The following SLC24A2 variants were observed in gnomAD, a reference collection of about 807,000 sequenced individuals.
SLC24A2 encodes solute carrier family 24 member 2, also known as sodium/potassium/calcium exchanger 2.
In SLC24A2, 36 loss-of-function variants were observed where a neutral mutation model predicts 62.0. The ratio of observed to expected loss-of-function variants is 0.58; its 90% CI spans 0.44 to 0.77. The LOEUF (loss-of-function observed/expected upper bound fraction) is 0.77, where lower values mean the gene tolerates loss of function less well. Ranked by LOEUF, SLC24A2 falls within the 30% of genes least tolerant of loss-of-function variation. SLC24A2 has a pLI of 0.00. For missense variants in SLC24A2, 846 were observed against 817.9 expected (o/e 1.03, Z -0.42); for synonymous variants, 358 against 294.0 (o/e 1.22, Z -2.23).
At chr9:19,627,388 T>C (rs1818060684) in intron 2 of SLC24A2, among the ~76,000 whole-genome samples, 1 of 152,190 alleles carries the variant, frequency 6.6e-6, no homozygotes, top group Admixed American at 6.5e-5. Context: ...AGAAGAGAAA[T>C]TGTTTAGAGA....
intron 2 of SLC24A2, among the ~76,000 whole-genome samples, chr9:19,770,394 T>C (rs191972765): frequency 6.6e-6 from 1 of 151,768 alleles, no homozygotes; most frequent in East Asian, 1.9e-4. Flanking sequence ...TAATACTATA[T>C]GCATTTTTTT....
At chr9:19,701,412 C>T (rs6475361) in intron 2 of SLC24A2, among the ~76,000 whole-genome samples, 53,266 of 151,756 alleles carry the variant, frequency 0.35, 10,400 homozygotes, top group African/African-American at 0.54. Flanking sequence ...ACTTAGTCCA[C>T]AACCGGTAGG....
chr9:19,662,029 C>T (rs551393341), intron 2 of SLC24A2, among the ~76,000 whole-genome samples: 1 of 152,196 alleles, frequency 6.6e-6, no homozygotes, highest in South Asian at 2.1e-4. Flanking sequence ...AGTGTTCAAG[C>T]TCCATGTCCT....
At chr9:20,037,858 C>A in the SLC24A2 span, among the ~76,000 whole-genome samples, 2 of 152,122 alleles carry the variant, frequency 1.3e-5, no homozygotes, top group African/African-American at 4.8e-5. Flanking sequence ...CAAGGAAGAG[C>A]CCAGCTCTTC....
chr9:20,228,228 A>G, the SLC24A2 span, among the ~76,000 whole-genome samples: 6 of 152,144 alleles, frequency 3.9e-5, no homozygotes, highest in African/African-American at 7.2e-5. Flanking sequence ...ATTTCCTCTT[A>G]GTAGAAGAGA....
In SLC24A2 at chr9:19,599,834, T is replaced by C. The variant is rs1563990369; in HGVS notation, c.1079-2555A>G. ...ATTGACAGCCTGTGGCAAGACCTAG[T>C]CTTGCTGAGAGGACCCGGGAGGCGC... On this transcript the variant is annotated intron_variant, in intron 4 of 10. Coordinates refer to ENST00000341998, the MANE Select transcript of SLC24A2 (RefSeq NM_020344.4). This position sits in a 1 kb window ranked among gnomAD's most constrained non-coding sequence, Gnocchi z 4.5. Among the ~76,000 whole-genome samples, 1 of 152,148 alleles carries C rather than the reference T, an allele frequency of 6.6e-6. No individual in the cohort carries two copies. Among genetic ancestry groups the C allele is most frequent in the Non-Finnish European group, 1.5e-5 (1 of 68,022 alleles).
At chr9:20,141,142 TACAA>T in the SLC24A2 span, among the ~76,000 whole-genome samples, 4 of 152,282 alleles carry the variant, frequency 2.6e-5, no homozygotes, top group African/African-American at 9.6e-5. Context: ...TTTCCATGTC[TACAA>T]ATTGAAAACC....
At chr9:19,648,560 A>G (rs1160081614) in intron 2 of SLC24A2, among the ~76,000 whole-genome samples, 1 of 152,238 alleles carries the variant, frequency 6.6e-6, no homozygotes, top group Non-Finnish European at 1.5e-5. Context: ...CTTAAGCAGA[A>G]GTGAAGAAAA....
the SLC24A2 span, among the ~76,000 whole-genome samples, chr9:19,870,739 T>A: frequency 1.3e-5 from 2 of 152,168 alleles, no homozygotes; most frequent in Non-Finnish European, 2.9e-5. Flanking sequence ...TTTTCATTAA[T>A]ATTTACATCA....
the SLC24A2 span, among the ~76,000 whole-genome samples, chr9:19,850,978 T>TAC: frequency 1.3e-3 from 56 of 43,908 alleles, 2 homozygotes; most frequent in African/African-American, 1.5e-3. Context: ...TATATATATA[T>TAC]ATATATGTAT....
chr9:19,803,256 T>C, the SLC24A2 span, among the ~76,000 whole-genome samples: 1 of 152,308 alleles, frequency 6.6e-6, no homozygotes, highest in East Asian at 1.9e-4. Flanking sequence ...ACAGTAAAAT[T>C]TTAATTATTA....
the SLC24A2 span, among the ~76,000 whole-genome samples, chr9:20,200,226 T>C: frequency 1.3e-5 from 2 of 152,142 alleles, no homozygotes; most frequent in African/African-American, 4.8e-5. Flanking sequence ...ACATTTCAAA[T>C]CTGGTTTCTC....
At chr9:20,286,813 A>G in the SLC24A2 span, among the ~76,000 whole-genome samples, 2 of 152,228 alleles carry the variant, frequency 1.3e-5, no homozygotes, top group African/African-American at 2.4e-5. Flanking sequence ...GTTTGGATGC[A>G]CTACAGAGGA....
At position 19,588,259 on chromosome 9, in the gene SLC24A2, AAAGTTTGAACTGT is replaced by A. The variant is rs201260258; in HGVS notation, c.1129+8957_1129+8969del. On this transcript the variant is annotated intron_variant, in intron 5 of 10. Coordinates refer to ENST00000341998, the MANE Select transcript of SLC24A2 (RefSeq NM_020344.4). The stretch of plus-strand genomic sequence containing the variant: ...TGCCCAGAAAAATCCTCTGGTTATG[AAAGTTTGAACTGT>A]ATGAGTTAAGCCATAAACTTGGGAT... 9.6e-3 allele frequency among the ~76,000 whole-genome samples: 1,460 copies of A among 151,572 alleles called. 29 individuals carry two copies. Among genetic ancestry groups the A allele is most frequent in the African/African-American group, 0.034 (1,398 of 41,290 alleles).
the SLC24A2 span, among the ~76,000 whole-genome samples, chr9:20,225,862 G>C: frequency 0.11 from 17,369 of 151,594 alleles, 1,150 homozygotes; most frequent in African/African-American, 0.17. Flanking sequence ...CCCAGCATTT[G>C]TTCCTCTTGT....
chr9:20,076,943 TTATA>T, the SLC24A2 span, among the ~76,000 whole-genome samples: 496 of 148,228 alleles, frequency 3.3e-3, 3 homozygotes, highest in African/African-American at 0.012. Flanking sequence ...TGTATATATA[TTATA>T]TAATGAAATA....
At chr9:19,539,591 C>A (rs1331055926) in intron 8 of SLC24A2, among the ~76,000 whole-genome samples, 1 of 82,372 alleles carries the variant, frequency 1.2e-5, no homozygotes, top group Non-Finnish European at 2.3e-5. Context: ...AATTTCTGTT[C>A]TTTTACATTT....
intron 2 of SLC24A2, among the ~76,000 whole-genome samples, chr9:19,697,816 T>C (rs1322499552): frequency 6.6e-6 from 1 of 152,176 alleles, no homozygotes; most frequent in Non-Finnish European, 1.5e-5. Context: ...TTTCGGAAAC[T>C]GAAATAACTT....
the SLC24A2 span, among the ~76,000 whole-genome samples, chr9:20,034,486 G>GTT: frequency 8.5e-6 from 1 of 117,358 alleles, no homozygotes; most frequent in African/African-American, 3.4e-5. Context: ...TTGAGACGGA[G>GTT]TCTCTCTCTG....
Sources: gnomAD v4.1 joint callset for allele counts (sites outside exome capture counted in the v4.1 genomes callset) on GRCh38, gnomAD v4.1.1 for gene constraint, Gnocchi (gnomAD v3.1) non-coding constraint, MANE v1.5 for transcripts, NCBI Gene and HGNC (gene_info 2026-07-23, HGNC 2026-07-21) for gene names.